SAMMSON: variants seen among roughly 807,000 people sequenced by gnomAD.
SAMMSON encodes the protein long intergenic non-protein coding RNA 1212.
At position 70,259,874 on chromosome 3, in the gene SAMMSON, G is replaced by A. The variant is rs566672148; in HGVS notation, n.674+10204G>A. 2.0e-5 allele frequency among the ~76,000 whole-genome samples: 3 copies of A among 152,280 alleles called. 1 individual carries two copies. Among genetic ancestry groups the A allele is most frequent in the African/African-American group, 7.2e-5 (3 of 41,548 alleles). On this transcript the variant is annotated intron_variant and non_coding_transcript_variant, in intron 6 of 9. Transcript: ENST00000642114. ...AGGAAACTTACAATCATGGTGGAAG[G>A]TGGAGGGGAAGCAAGGCACCTTCTT...
At chr3:70,129,039 G>A (rs1363795653) in intron 4 of SAMMSON, among the ~76,000 whole-genome samples, 1 of 152,058 alleles carries the variant, frequency 6.6e-6, no homozygotes, top group African/African-American at 2.4e-5. Context: ...ACCCGGTCTG[G>A]CACCAATAAA....
At chr3:70,352,463 G>A (rs1320821257) in intron 7 of SAMMSON, among the ~76,000 whole-genome samples, 1 of 152,020 alleles carries the variant, frequency 6.6e-6, no homozygotes, top group African/African-American at 2.4e-5. Flanking sequence ...TCAGATGAAG[G>A]AAAATAAGAG....
At chr3:70,394,482 A>C (rs755248793), downstream of SAMMSON, among the ~76,000 whole-genome samples, 3 of 152,152 alleles carry the variant, frequency 2.0e-5, no homozygotes, top group Admixed American at 6.6e-5. Context: ...GAAGCTCTAC[A>C]ATGAAAAATC....
intron 6 of SAMMSON, among the ~76,000 whole-genome samples, chr3:70,290,299 G>T (rs1286673077): frequency 6.6e-6 from 1 of 152,052 alleles, no homozygotes; most frequent in African/African-American, 2.4e-5. Context: ...TGAGCTGCAG[G>T]TCTGTTGGAG....
intron 3 of SAMMSON, among the ~76,000 whole-genome samples, chr3:70,026,198 A>G (rs2067036462): frequency 6.6e-6 from 1 of 152,204 alleles, no homozygotes; most frequent in African/African-American, 2.4e-5. Flanking sequence ...GGAAGATGAT[A>G]TTTACTGCTG....
At chr3:70,338,544 C>T (rs1189712224) in intron 7 of SAMMSON, among the ~76,000 whole-genome samples, 4 of 152,082 alleles carry the variant, frequency 2.6e-5, no homozygotes, top group African/African-American at 9.7e-5. Flanking sequence ...ATAAGCAACT[C>T]CAGCAAAGTC....
chr3:70,132,006 C>G (rs1232107098), intron 4 of SAMMSON, among the ~76,000 whole-genome samples: 1 of 152,158 alleles, frequency 6.6e-6, no homozygotes, highest in Non-Finnish European at 1.5e-5. Flanking sequence ...AGGACCCCCT[C>G]TTGGCCAAGG....
intron 6 of SAMMSON, among the ~76,000 whole-genome samples, chr3:70,253,270 T>A (rs1701786208): frequency 6.6e-6 from 1 of 152,134 alleles, no homozygotes; most frequent in Non-Finnish European, 1.5e-5. Flanking sequence ...GGGAGCCATG[T>A]GGATAGGGAA....
intron 3 of SAMMSON, among the ~76,000 whole-genome samples, chr3:70,033,667 T>C (rs2067074293): frequency 6.6e-6 from 1 of 151,982 alleles, no homozygotes; most frequent in Non-Finnish European, 1.5e-5. Flanking sequence ...TATGAGACTA[T>C]TGTAACAGGC....
downstream of SAMMSON, among the ~76,000 whole-genome samples, chr3:70,393,437 T>G (rs1161225924): frequency 6.6e-6 from 1 of 152,204 alleles, no homozygotes; most frequent in African/African-American, 2.4e-5. Flanking sequence ...TCTCTATCAC[T>G]TGTTTATGAA....
chr3:70,374,162 C>T (rs1702992292), intron 9 of SAMMSON, among the ~76,000 whole-genome samples: 1 of 152,214 alleles, frequency 6.6e-6, no homozygotes, highest in South Asian at 2.1e-4. Flanking sequence ...GACTTGCCCA[C>T]CTCAGCCTCC....
intron 2 of SAMMSON, among the ~76,000 whole-genome samples, chr3:70,405,657 G>A (rs1051063409): frequency 6.6e-6 from 1 of 152,148 alleles, no homozygotes; most frequent in African/African-American, 2.4e-5. Flanking sequence ...CCAATTTTAA[G>A]AACAAAAAGC....
At chr3:70,043,089 G>A (rs2067111737) in intron 3 of SAMMSON, among the ~76,000 whole-genome samples, 1 of 152,028 alleles carries the variant, frequency 6.6e-6, no homozygotes, top group Non-Finnish European at 1.5e-5. Context: ...TTGTATTTAG[G>A]TCAAGAACAA....
At chr3:70,287,802 G>C (rs1004498570) in intron 6 of SAMMSON, among the ~76,000 whole-genome samples, 1 of 148,726 alleles carries the variant, frequency 6.7e-6, no homozygotes, top group African/African-American at 2.5e-5. Context: ...TGTATGTGTC[G>C]AGGAATTTAT....
At chr3:70,218,790 T>C (rs1003020792) in intron 4 of SAMMSON, among the ~76,000 whole-genome samples, 3 of 152,172 alleles carry the variant, frequency 2.0e-5, no homozygotes, top group African/African-American at 7.2e-5. Flanking sequence ...TGGTAACCCA[T>C]ACTCAAGTGC....
intron 4 of SAMMSON, among the ~76,000 whole-genome samples, chr3:70,216,896 AC>A (rs953028492): frequency 1.3e-5 from 2 of 152,078 alleles, no homozygotes; most frequent in Admixed American, 1.3e-4. Flanking sequence ...CTGCTGAACA[AC>A]CTATTATGCA....
chr3:70,428,182 G>T (rs1701386847), intron 2 of SAMMSON, among the ~76,000 whole-genome samples: 1 of 152,124 alleles, frequency 6.6e-6, no homozygotes, highest in African/African-American at 2.4e-5. Flanking sequence ...TCTCCAAATT[G>T]ATCTAAAGAT....
chr3:70,292,676 C>T (rs1053269298), intron 7 of SAMMSON, among the ~76,000 whole-genome samples: 3 of 151,920 alleles, frequency 2.0e-5, no homozygotes, highest in African/African-American at 4.8e-5. Flanking sequence ...CAATTCATTT[C>T]CAAATGTTTT....
At chr3:70,169,107 G>A (rs528527969) in intron 4 of SAMMSON, among the ~76,000 whole-genome samples, 2 of 152,116 alleles carry the variant, frequency 1.3e-5, no homozygotes, top group African/African-American at 4.8e-5. Context: ...ATCATGGAAA[G>A]TGGTTTTGCA....
Sources: gnomAD v4.1 joint callset for allele counts (sites outside exome capture counted in the v4.1 genomes callset) on GRCh38, gnomAD v4.1.1 for gene constraint, MANE v1.5 for transcripts, NCBI Gene and HGNC (gene_info 2026-07-23, HGNC 2026-07-21) for gene names.